The following LIPA variants were observed in gnomAD, a reference collection of about 807,000 sequenced individuals.
LIPA encodes lysosomal acid lipase/cholesteryl ester hydrolase.
Under a neutral mutation model 40.6 loss-of-function variants are expected in LIPA, and 26 were observed. The observed-to-expected ratio is 0.64, with a 90% CI of 0.47 to 0.89. The LOEUF (loss-of-function observed/expected upper bound fraction) is 0.89, where lower values mean the gene tolerates loss of function less well. Ranked by LOEUF, LIPA falls within the 40% of genes least tolerant of loss-of-function variation. The pLI is 0.00. For synonymous variants in LIPA, 188 were observed against 168.4 expected (o/e 1.12, Z -0.90); for missense variants, 455 against 479.6 (o/e 0.95, Z 0.48).
chr10:89,378,026 T>C, intron 2 of LIPA: 4 of 1,157,198 alleles, frequency 3.5e-6, no homozygotes, highest in Non-Finnish European at 5.1e-6. Context: ...ACCTCCCATA[T>C]ATAAGCACCA....
At chr10:89,259,592 T>C (rs1008887671) in intron 1 of LIPA, among the ~76,000 whole-genome samples, 1 of 152,226 alleles carries the variant, frequency 6.6e-6, no homozygotes, top group Non-Finnish European at 1.5e-5. Flanking sequence ...CAAATGATCA[T>C]AGCAGTTTTA....
At chr10:89,361,171 A>G (rs1379321741) in intron 2 of LIPA, among the ~76,000 whole-genome samples, 1 of 152,192 alleles carries the variant, frequency 6.6e-6, no homozygotes, top group African/African-American at 2.4e-5. Context: ...GGTGGACACA[A>G]TTCAACCCTC....
chr10:89,269,779 G>T (rs1843255924), intron 1 of LIPA, among the ~76,000 whole-genome samples: 1 of 152,168 alleles, frequency 6.6e-6, no homozygotes, highest in Non-Finnish European at 1.5e-5. Flanking sequence ...AAATTTGGGG[G>T]AGGATGAGGT....
At chr10:89,399,979 T>C (rs1250010766) in intron 2 of LIPA, among the ~76,000 whole-genome samples, 3 of 152,210 alleles carry the variant, frequency 2.0e-5, no homozygotes, top group African/African-American at 7.2e-5. Context: ...GTCACCTTCA[T>C]CTAGGACTTC....
chr10:89,354,027 G>T (rs1461050405), intron 2 of LIPA, among the ~76,000 whole-genome samples: 1 of 151,764 alleles, frequency 6.6e-6, no homozygotes, highest in Non-Finnish European at 1.5e-5. Flanking sequence ...TTTCTCTCCT[G>T]CTCTGAAACT....
At position 89,327,263 on chromosome 10, in the gene LIPA, T is replaced by C. The variant is rs138795267; in HGVS notation, c.-2+15348A>G. ...TTTCTTAATACACTTAAAAAGAGCA[T>C]GTTCTGGCTGGGTGCAGTGGCTCAT... On this transcript the variant is annotated intron_variant, in intron 1 of 5. Coordinates refer to the LIPA transcript ENST00000282673. Among the ~76,000 whole-genome samples the C allele has an allele frequency of 1.0e-3, 159 of 152,236 alleles. 1 individual carries two copies. The highest frequency in any genetic ancestry group is 3.6e-3 in the African/African-American group (150 of 41,552).
At position 89,215,000 on chromosome 10, in the gene LIPA, C is replaced by T. The variant is rs780007692; in HGVS notation, c.1028G>A (p.Gly343Asp). 1.1e-5 allele frequency: 17 copies of T among 1,613,986 alleles called. No homozygotes were observed. The Admixed American group carries it at 2.0e-4, about 19-fold the overall frequency. The stretch of plus-strand genomic sequence containing the variant: ...GTAGACATCTGCAAGCCAGTCGTGA[C>T]CCCCGCTCCAGACTGCAGTCGGCAC... ...MLVPTAVWSG[G>D]HDWLADVYDV... Residue 343 changes from glycine (G) to aspartate (D), a missense_variant, in exon 10 of 10, where the codon GGT (glycine) becomes GAT (aspartate). Coordinates refer to ENST00000336233, the MANE Select transcript of LIPA (RefSeq NM_000235.4).
At chr10:89,232,196 C>G (rs941611305) in intron 3 of LIPA, among the ~76,000 whole-genome samples, 4 of 152,172 alleles carry the variant, frequency 2.6e-5, no homozygotes, top group South Asian at 4.1e-4. Flanking sequence ...GAATGGTGAC[C>G]GGGCGCTGTA....
chr10:89,330,753 A>G (rs1365686612), intron 1 of LIPA, among the ~76,000 whole-genome samples: 1 of 86,136 alleles, frequency 1.2e-5, no homozygotes, highest in African/African-American at 1.2e-4. Flanking sequence ...CCTTCACTCA[A>G]GATGCCTGAT....
chr10:89,228,122 C>T, intron 4 of LIPA, 78 bp downstream of exon 4: 2 of 1,224,632 alleles, frequency 1.6e-6, no homozygotes, highest in Non-Finnish European at 2.4e-6. Flanking sequence ...CACCTATCTA[C>T]CTCTTCTGCT....
chr10:89,274,325 T>G (rs953566122), intron 1 of LIPA, among the ~76,000 whole-genome samples: 1 of 152,228 alleles, frequency 6.6e-6, no homozygotes, highest in Non-Finnish European at 1.5e-5. Flanking sequence ...AAAGAAAAAC[T>G]TATATGTGGG....
intron 1 of LIPA, among the ~76,000 whole-genome samples, chr10:89,263,969 T>C (rs113469064): frequency 2.0e-5 from 3 of 152,312 alleles, no homozygotes; most frequent in African/African-American, 7.2e-5. Flanking sequence ...CAGCTTCTCC[T>C]ATGGACACCC....
upstream of LIPA, among the ~76,000 whole-genome samples, chr10:89,254,573 C>T (rs1032109000): frequency 6.6e-6 from 1 of 152,214 alleles, no homozygotes; most frequent in African/African-American, 2.4e-5. Flanking sequence ...CCCTGTCAGA[C>T]ATTTTCCCCA....
intron 2 of LIPA, among the ~76,000 whole-genome samples, chr10:89,382,442 C>T (rs537699970): frequency 3.3e-5 from 5 of 152,274 alleles, no homozygotes; most frequent in East Asian, 3.9e-4. Flanking sequence ...TTCAGAGGAG[C>T]GTGAACTATT....
intron 2 of LIPA, among the ~76,000 whole-genome samples, chr10:89,358,740 T>G (rs965360053): frequency 1.3e-5 from 2 of 151,976 alleles, no homozygotes; most frequent in African/African-American, 2.4e-5. Context: ...CTCATGGACA[T>G]AGAGAGTGGA....
chr10:89,286,082 T>G lies in LIPA; in HGVS notation c.-1-38433A>C, dbSNP rs117787697. Among the ~76,000 whole-genome samples the G allele has an allele frequency of 1.5e-3, 232 of 152,290 alleles. 2 individuals carry two copies. In the East Asian group the frequency reaches 0.022, roughly 14 times the overall value. ...GTTCCAAAGAGCCATAAAATGGCAC[T>G]TTTGATTTCTCCATCCTACAACACC... is the stretch of plus-strand genomic sequence containing the variant. On this transcript the variant is annotated intron_variant, in intron 1 of 5. Transcript: ENST00000282673.
chr10:89,353,659 CA>C (rs745775870), intron 2 of LIPA, among the ~76,000 whole-genome samples: 1 of 152,182 alleles, frequency 6.6e-6, no homozygotes, highest in Admixed American at 6.5e-5. Context: ...TTAAGTTACC[CA>C]CTTGGCCCTC....
chr10:89,241,749 C>T (rs1412751647), intron 3 of LIPA, among the ~76,000 whole-genome samples: 1 of 152,154 alleles, frequency 6.6e-6, no homozygotes, highest in Non-Finnish European at 1.5e-5. Context: ...CCACTTCACC[C>T]ACTCGGCAAT....
intron 3 of LIPA, among the ~76,000 whole-genome samples, chr10:89,234,032 G>T (rs532393099): frequency 6.6e-6 from 1 of 152,226 alleles, no homozygotes; most frequent in African/African-American, 2.4e-5. Flanking sequence ...CCAGCAAGAA[G>T]AAGGCTAGAA....
Sources: allele counts gnomAD v4.1 joint callset (sites outside exome capture counted in the v4.1 genomes callset), GRCh38; gene constraint gnomAD v4.1.1; transcripts MANE v1.5; gene names NCBI Gene and HGNC (gene_info 2026-07-23, HGNC 2026-07-21).